CRX: variants seen among roughly 807,000 people sequenced by gnomAD.
The protein encoded by CRX is cone-rod homeobox protein.
In CRX, 5 loss-of-function variants were observed where a neutral mutation model predicts 13.1. The observed-to-expected ratio is 0.38, with a 90% CI of 0.20 to 0.80. The LOEUF (loss-of-function observed/expected upper bound fraction) is 0.80. CRX is among the 30% of genes least tolerant of loss of function. CRX has a pLI of 0.43. For missense variants in CRX, 351 were observed against 391.8 expected, an observed-to-expected ratio of 0.90 and a Z score of 0.88; for synonymous variants, 179 against 171.1, an observed-to-expected ratio of 1.05 and a Z score of -0.36.
intron 1 of CRX, among the ~76,000 whole-genome samples, chr19:47,825,548 C>A (rs1339705534): frequency 6.6e-6 from 1 of 152,114 alleles, no homozygotes; most frequent in Non-Finnish European, 1.5e-5. Flanking sequence ...CTAGGCAGCA[C>A]TTTATCATTA....
chr19:47,835,623 T>TG (rs1464167422), intron 2 of CRX, among the ~76,000 whole-genome samples: 15 of 147,918 alleles, frequency 1.0e-4, no homozygotes, highest in Admixed American at 1.0e-3. Context: ...AGCTCTTGTT[T>TG]TTTTTTTTTT....
intron 1 of CRX, among the ~76,000 whole-genome samples, chr19:47,829,053 T>C (rs537468262): frequency 6.6e-6 from 1 of 152,060 alleles, no homozygotes; most frequent in Non-Finnish European, 1.5e-5. Flanking sequence ...TCTACGCATA[T>C]ACAAGTGTAT....
At chr19:47,832,108 T>A (rs1371690111) in intron 1 of CRX, among the ~76,000 whole-genome samples, 2 of 130,570 alleles carry the variant, frequency 1.5e-5, no homozygotes, top group East Asian at 4.2e-4. Flanking sequence ...GCCTTATGTT[T>A]TTTTTTTTTT....
chr19:47,837,905 G>T (rs1968138200), intron 3 of CRX, among the ~76,000 whole-genome samples: 1 of 151,998 alleles, frequency 6.6e-6, no homozygotes, highest in Non-Finnish European at 1.5e-5. Flanking sequence ...TGATCAGATG[G>T]ATGTCTACAT....
chr19:47,823,649 G>GT (rs58548004), intron 1 of CRX, among the ~76,000 whole-genome samples: 5,250 of 129,512 alleles, frequency 0.041, 259 homozygotes, highest in African/African-American at 0.099. Flanking sequence ...CATGAGTCTG[G>GT]TTTTTTTTTT....
chr19:47,831,967 G>A (rs1320091031), intron 1 of CRX, among the ~76,000 whole-genome samples: 2 of 150,746 alleles, frequency 1.3e-5, no homozygotes, highest in African/African-American at 5.0e-5. Flanking sequence ...TCGAACTCCC[G>A]ACCTCAGGTG....
chr19:47,828,635 T>G (rs1211900934), intron 1 of CRX, among the ~76,000 whole-genome samples: 1 of 76,688 alleles, frequency 1.3e-5, no homozygotes. Context: ...GTGTGTAAAA[T>G]CCAGTTTAGG....
At chr19:47,829,393 G>A (rs143966351) in intron 1 of CRX, among the ~76,000 whole-genome samples, 1,994 of 151,524 alleles carry the variant, frequency 0.013, 48 homozygotes, top group African/African-American at 0.044. Flanking sequence ...GTGCAATGGC[G>A]TGATCTCGGC....
rs1003370001 is a variant in CRX at position 47,841,319 on chromosome 19, G to A, written c.*1352G>A. On this transcript the variant is annotated 3_prime_UTR_variant, in exon 4 of 4. Transcript: ENST00000221996. ...TAGCACATTGGGAATGTGTGTATTT[G>A]GTAGGGAAATGAAAGGCACCTTGCC... 1 of 152,036 alleles carries A rather than the reference G, an allele frequency of 6.6e-6. No homozygotes were observed. The highest frequency in any genetic ancestry group is 2.4e-5 in the African/African-American group (1 of 41,410). The allele number at this position is 152,036 out of a possible 1,614,324, so 9.4% of individuals were successfully genotyped here.
chr19:47,838,588 A>G (rs1420785500), intron 3 of CRX, among the ~76,000 whole-genome samples: 1 of 152,120 alleles, frequency 6.6e-6, no homozygotes, highest in Non-Finnish European at 1.5e-5. Context: ...TGCATGTATG[A>G]TCAGATGAGC....
At chr19:47,838,141 T>G (rs1968142282) in intron 3 of CRX, among the ~76,000 whole-genome samples, 1 of 152,180 alleles carries the variant, frequency 6.6e-6, no homozygotes, top group Non-Finnish European at 1.5e-5. Context: ...TATGTTTGTA[T>G]GTCTGTATGA....
At position 47,842,973 on chromosome 19, in the gene CRX, C is replaced by T. The variant is rs1256707500; in HGVS notation, c.*3006C>T. 1.3e-5 allele frequency: 2 copies of T among 152,194 alleles called. No individual in the cohort carries two copies. Among genetic ancestry groups the T allele is most frequent in the African/African-American group, 4.8e-5 (2 of 41,404 alleles). 9.4% of individuals were successfully genotyped at this position (152,194 alleles called of 1,614,324 possible). ...AGAAGTAGTGAAGGCCAAGGGGCCC[C>T]CATCACAGGCCGATGGGGTAAGACT... On this transcript the variant is annotated 3_prime_UTR_variant, in exon 4 of 4. Transcript: ENST00000221996.
Position 47,840,051 on chromosome 19 carries a change from T to C in CRX, c.*84T>C, listed in dbSNP as rs1025075301. The C allele has an allele frequency of 2.0e-6, 3 of 1,504,860 alleles. No individual in the cohort carries two copies. Among genetic ancestry groups the C allele is most frequent in the African/African-American group, 2.8e-5 (2 of 72,716 alleles). The allele number at this position is 1,504,860 out of a possible 1,614,324, so 93.2% of individuals were successfully genotyped here. A position where few individuals can be genotyped will look rare whatever the true frequency, so the allele number is the denominator to read the frequency against. The stretch of plus-strand genomic sequence containing the variant: ...CTTCCCTGCAGTTTAGATCCCGGGA[T>C]GGCATTCCTGAGAAAGCAACCCGAA... On this transcript the variant is annotated 3_prime_UTR_variant, in exon 4 of 4. Coordinates refer to ENST00000221996, the MANE Select transcript of CRX (RefSeq NM_000554.6).
intron 1 of CRX, among the ~76,000 whole-genome samples, chr19:47,827,852 A>T (rs1315567428): frequency 2.1e-5 from 2 of 95,666 alleles, no homozygotes; most frequent in Admixed American, 1.1e-4. Flanking sequence ...AAAAAAAAAA[A>T]AAAAAAAAAA....
In CRX at chr19:47,839,158, A is replaced by C. The variant is rs1445895956; in HGVS notation, c.253-162A>C. Among the ~76,000 whole-genome samples the C allele has an allele frequency of 6.6e-6, 1 of 152,058 alleles. No homozygotes were observed. Among genetic ancestry groups the C allele is most frequent in the Non-Finnish European group, 1.5e-5 (1 of 67,972 alleles). On this transcript the variant is annotated intron_variant, in intron 3 of 3. Coordinates refer to ENST00000221996, the MANE Select transcript of CRX (RefSeq NM_000554.6). The surrounding 1 kb of genome is among the most constrained non-coding windows in gnomAD (Gnocchi z 4.6). ...CACATGCAGGTATGATTGGATGGATAGATGGATGGATGGGTGAATAGACGC... is the reference window on the plus strand; with the variant it reads ...CACATGCAGGTATGATTGGATGGATCGATGGATGGATGGGTGAATAGACGC...
intron 3 of CRX, among the ~76,000 whole-genome samples, chr19:47,837,680 T>A (rs911313720): frequency 1.3e-5 from 2 of 152,156 alleles, no homozygotes; most frequent in African/African-American, 4.8e-5. Flanking sequence ...ATATGATGTA[T>A]GTATGATTAG....
At chr19:47,828,939 CACAA>C (rs1455683318) in intron 1 of CRX, among the ~76,000 whole-genome samples, 1 of 118,424 alleles carries the variant, frequency 8.4e-6, no homozygotes, top group Admixed American at 8.4e-5. Context: ...CACACACACA[CACAA>C]TTAAAAAGTA....
chr19:47,828,359 C>T (rs1415519019), intron 1 of CRX, among the ~76,000 whole-genome samples: 1 of 152,044 alleles, frequency 6.6e-6, no homozygotes, highest in East Asian at 1.9e-4. Context: ...TCCCCCTCCT[C>T]ATGTGAGGGA....
Position 47,839,252 on chromosome 19 carries a change from G to C in CRX, c.253-68G>C. On this transcript the variant is annotated intron_variant, in intron 3 of 3. Coordinates refer to ENST00000221996, the MANE Select transcript of CRX (RefSeq NM_000554.6). The surrounding 1 kb of genome is among the most constrained non-coding windows in gnomAD (Gnocchi z 4.6). ...CTCACCAATAAGTGTCCTCATCCCC[G>C]GGCACCCTGCGGCTCTCCTGGGCCT... is the stretch of plus-strand genomic sequence containing the variant. 6.5e-7 allele frequency: 1 copy of C among 1,537,788 alleles called. No individual in the cohort carries two copies. The highest frequency in any genetic ancestry group is 8.8e-7 in the Non-Finnish European group (1 of 1,134,704).
Sources: gnomAD v4.1 joint callset for allele counts (sites outside exome capture counted in the v4.1 genomes callset) on GRCh38, gnomAD v4.1.1 for gene constraint, Gnocchi (gnomAD v3.1) non-coding constraint, MANE v1.5 for transcripts, NCBI Gene and HGNC (gene_info 2026-07-23, HGNC 2026-07-21) for gene names.